Variants in FGF10 observed in about 807,000 individuals in gnomAD.
FGF10 encodes FGF-10.
A neutral mutation model predicts 19.8 loss-of-function variants in FGF10; 2 were observed. The ratio of observed to expected loss-of-function variants is 0.10; its 90% CI spans 0.04 to 0.32. FGF10 has a LOEUF of 0.32. Ranked by LOEUF, FGF10 falls within the 10% of genes least tolerant of loss-of-function variation. The probability of loss-of-function intolerance (pLI) is 1.00; values close to 1 mark genes in which losing one functional copy is unlikely to be tolerated. For synonymous variants in FGF10, 112 were observed against 94.0 expected (o/e 1.19, Z -1.10); for missense variants, 191 against 246.3 (o/e 0.78, Z 1.50).
At chr5:44,326,302 C>T (rs1279233705) in intron 1 of FGF10, among the ~76,000 whole-genome samples, 1 of 152,156 alleles carries the variant, frequency 6.6e-6, no homozygotes, top group Non-Finnish European at 1.5e-5. Flanking sequence ...ACTCTTTCAA[C>T]ATTCTGATCT....
At chr5:44,341,838 T>C (rs1440920124) in intron 1 of FGF10, among the ~76,000 whole-genome samples, 1 of 151,980 alleles carries the variant, frequency 6.6e-6, no homozygotes, top group Non-Finnish European at 1.5e-5. Flanking sequence ...TTGATTGATA[T>C]TGAACAACCC....
chr5:44,330,855 A>G (rs1047803796), intron 1 of FGF10, among the ~76,000 whole-genome samples: 8 of 152,150 alleles, frequency 5.3e-5, no homozygotes. Flanking sequence ...AGAATTATCA[A>G]CTTCATTGAT....
In FGF10 at chr5:44,387,803, A is replaced by G. The variant is rs546179810; in HGVS notation, c.325+555T>C. On this transcript the variant is annotated intron_variant, in intron 1 of 2. Transcript: ENST00000264664. The stretch of plus-strand genomic sequence containing the variant: ...AAAAATGCTTTTCGCTCATATCTAG[A>G]GGTAGTGGGGTAAAGGGATGGGGGT... 2.7e-4 allele frequency among the ~76,000 whole-genome samples: 41 copies of G among 152,130 alleles called. No homozygotes were observed. In the South Asian group the frequency reaches 3.1e-3, roughly 12 times the overall value.
rs992903773 is a variant in FGF10 at position 44,376,512 on chromosome 5, A to C, written c.325+11846T>G. On this transcript the variant is annotated intron_variant, in intron 1 of 2. Coordinates refer to ENST00000264664, the MANE Select transcript of FGF10 (RefSeq NM_004465.2). Reference sequence around the variant, plus strand: ...TGCCAAAAAAAAAAAAAAAAAAAAAAAAAAACAAAAAACCCACAACTAGAG... The same window carrying C: ...TGCCAAAAAAAAAAAAAAAAAAAAACAAAAACAAAAAACCCACAACTAGAG... Among the ~76,000 whole-genome samples the C allele has an allele frequency of 4.3e-3, 602 of 139,688 alleles. 12 individuals are homozygous for C. Among genetic ancestry groups the C allele is most frequent in the African/African-American group, 0.016 (559 of 35,566 alleles). The allele number at this position is 139,688 out of a possible 152,430, so 91.6% of individuals were successfully genotyped here.
intron 1 of FGF10, among the ~76,000 whole-genome samples, chr5:44,368,656 G>T (rs1037419887): frequency 1.3e-5 from 2 of 151,880 alleles, no homozygotes; most frequent in East Asian, 3.9e-4. Context: ...AGTGTGTATT[G>T]TGCTGTCAAT....
chr5:44,358,054 G>T (rs913156803), intron 1 of FGF10, among the ~76,000 whole-genome samples: 5 of 151,386 alleles, frequency 3.3e-5, no homozygotes, highest in African/African-American at 1.2e-4. Flanking sequence ...TTCTGGATTA[G>T]CTTAGACTAA....
intron 1 of FGF10, among the ~76,000 whole-genome samples, chr5:44,369,519 G>A (rs1028593144): frequency 6.6e-6 from 1 of 152,114 alleles, no homozygotes; most frequent in South Asian, 2.1e-4. Flanking sequence ...TTGTTTACAC[G>A]ACTGTCATTT....
At chr5:44,334,046 T>C (rs1340532240) in intron 1 of FGF10, among the ~76,000 whole-genome samples, 22 of 152,018 alleles carry the variant, frequency 1.4e-4, no homozygotes, top group Admixed American at 1.4e-3. Flanking sequence ...GGGCAAAAGG[T>C]GATTCTCTTT....
intron 1 of FGF10, among the ~76,000 whole-genome samples, chr5:44,317,499 T>G (rs1404675912): frequency 6.6e-6 from 1 of 152,172 alleles, no homozygotes; most frequent in Non-Finnish European, 1.5e-5. Flanking sequence ...TGATCTAACA[T>G]TAAAAGTATC....
chr5:44,347,485 T>G (rs1324750283), intron 1 of FGF10, among the ~76,000 whole-genome samples: 1 of 151,786 alleles, frequency 6.6e-6, no homozygotes, highest in Non-Finnish European at 1.5e-5. Flanking sequence ...TAGGGCAGTA[T>G]GAATAGAACT....
At chr5:44,307,763 A>C (rs17228186) in intron 2 of FGF10, among the ~76,000 whole-genome samples, 1 of 152,348 alleles carries the variant, frequency 6.6e-6, no homozygotes, top group East Asian at 1.9e-4. Flanking sequence ...TGTTAGTTCT[A>C]TTCCACTCTG....
chr5:44,312,212 ACACACG>A (rs1034729059), intron 1 of FGF10, among the ~76,000 whole-genome samples: 1 of 151,862 alleles, frequency 6.6e-6, no homozygotes, highest in Admixed American at 6.6e-5. Context: ...ACACACACAC[ACACACG>A]CACATTTATT....
chr5:44,358,000 C>T (rs1741387171), intron 1 of FGF10, among the ~76,000 whole-genome samples: 1 of 151,324 alleles, frequency 6.6e-6, no homozygotes, highest in African/African-American at 2.4e-5. Flanking sequence ...ACCCAAGAGG[C>T]TGAGTGACTT....
intron 1 of FGF10, among the ~76,000 whole-genome samples, chr5:44,368,865 C>T (rs973122805): frequency 1.3e-5 from 2 of 151,948 alleles, no homozygotes; most frequent in Non-Finnish European, 2.9e-5. Context: ...ATGAGGTCTC[C>T]TTATGTTGTC....
chr5:44,304,566 G>C lies in FGF10; in HGVS notation c.*429C>G, dbSNP rs890877081. On this transcript the variant is annotated 3_prime_UTR_variant, in exon 3 of 3. Transcript: ENST00000264664. ...CCAGTAAATGCTTGCATGTATTACT[G>C]TTCATTGATTCATTAGGCTTGAATG... The C allele has an allele frequency of 2.3e-5, 5 of 212,892 alleles. No homozygotes were observed. The highest frequency in any genetic ancestry group is 1.2e-4 in the East Asian group (1 of 8,594). The allele number at this position is 212,892 out of a possible 1,614,324, so 13.2% of individuals were successfully genotyped here.
At chr5:44,322,201 G>A (rs892647220) in intron 1 of FGF10, among the ~76,000 whole-genome samples, 2 of 152,112 alleles carry the variant, frequency 1.3e-5, no homozygotes, top group Non-Finnish European at 2.9e-5. Context: ...ACACAGAATG[G>A]GTCCCAAAAC....
At chr5:44,312,094 C>T (rs1740225175) in intron 1 of FGF10, among the ~76,000 whole-genome samples, 1 of 151,974 alleles carries the variant, frequency 6.6e-6, no homozygotes, top group Non-Finnish European at 1.5e-5. Flanking sequence ...ATATCTCACT[C>T]TATTTGCAAG....
chr5:44,320,648 T>C (rs983125876), intron 1 of FGF10, among the ~76,000 whole-genome samples: 1 of 152,198 alleles, frequency 6.6e-6, no homozygotes, highest in Non-Finnish European at 1.5e-5. Flanking sequence ...CCTTTAAAAC[T>C]TCTTCACCAC....
intron 1 of FGF10, among the ~76,000 whole-genome samples, chr5:44,328,208 T>C (rs1379699538): frequency 6.6e-6 from 1 of 152,214 alleles, no homozygotes; most frequent in Non-Finnish European, 1.5e-5. Context: ...GCTGGCTAAC[T>C]ACTAAACAAC....
Sources: allele counts gnomAD v4.1 joint callset (sites outside exome capture counted in the v4.1 genomes callset), GRCh38; gene constraint gnomAD v4.1.1; transcripts MANE v1.5; gene names NCBI Gene and HGNC (gene_info 2026-07-23, HGNC 2026-07-21).